OTUD7A: variants seen among roughly 807,000 people sequenced by gnomAD.
OTUD7A encodes OTU deubiquitinase 7A, also known as OTU domain-containing protein 7A.
Under a neutral mutation model 65.7 loss-of-function variants are expected in OTUD7A, and 12 were observed. The observed-to-expected ratio is 0.18, with a 90% CI of 0.12 to 0.30. The LOEUF is 0.30. Ranked by LOEUF, OTUD7A falls within the 10% of genes least tolerant of loss-of-function variation. The pLI is 1.00. For missense variants in OTUD7A, 1,148 were observed against 1,304.8 expected (o/e 0.88, Z 1.85); for synonymous variants, 641 against 586.3 (o/e 1.09, Z -1.35).
chr15:31,530,890 C>G, intron 5 of OTUD7A, 82 bp from the exon 6 acceptor site: 2 of 1,078,706 alleles, frequency 1.9e-6, no homozygotes, highest in South Asian at 3.1e-5. Context: ...GCATAAACAT[C>G]AGGGACAGAT....
At chr15:31,734,320 C>T (rs1351162868) in intron 1 of OTUD7A, among the ~76,000 whole-genome samples, 2 of 152,112 alleles carry the variant, frequency 1.3e-5, no homozygotes, top group Non-Finnish European at 2.9e-5. Flanking sequence ...ATTGAAGTGG[C>T]CATACTGCCC....
chr15:31,762,644 G>A (rs1442492537), intron 1 of OTUD7A, among the ~76,000 whole-genome samples: 1 of 152,228 alleles, frequency 6.6e-6, no homozygotes, highest in African/African-American at 2.4e-5. Flanking sequence ...GTAAGCTATA[G>A]AAGGATCCAA....
At chr15:31,768,095 T>G in intron 1 of OTUD7A, 1 of 1,597,872 alleles carries the variant, frequency 6.3e-7, no homozygotes, top group Non-Finnish European at 8.6e-7. Flanking sequence ...TTTTTTAAAG[T>G]GTTGTCTGTG....
Position 31,870,670 on chromosome 15 carries a change from T to A in OTUD7A, c.-263A>T, listed in dbSNP as rs1006548456. 4.1e-5 allele frequency: 6 copies of A among 147,352 alleles called. No homozygotes were observed. The highest frequency in any genetic ancestry group is 1.5e-4 in the African/African-American group (6 of 40,366). The allele number at this position is 147,352 out of a possible 1,614,324, so 9.1% of individuals were successfully genotyped here. ...TGCCGCTCGCGGTCCCGGTGGCCTC[T>A]CCTCCCCCGCCTCCTCCCGCGCTCC... is the stretch of plus-strand genomic sequence containing the variant. On this transcript the variant is annotated 5_prime_UTR_variant, in exon 1 of 13. Coordinates refer to ENST00000307050, the MANE Select transcript of OTUD7A (RefSeq NM_001382637.1).
chr15:31,826,007 C>A (rs995258035), intron 1 of OTUD7A, among the ~76,000 whole-genome samples: 16 of 152,338 alleles, frequency 1.1e-4, no homozygotes, highest in African/African-American at 3.6e-4. Context: ...GCCTCCCTCC[C>A]AGCTGCTTTT....
intron 3 of OTUD7A, among the ~76,000 whole-genome samples, chr15:31,628,711 C>T (rs1213664020): frequency 6.6e-6 from 1 of 152,200 alleles, no homozygotes; most frequent in East Asian, 1.9e-4. Context: ...GATATTGATT[C>T]TTCCTACCCA....
intron 1 of OTUD7A, among the ~76,000 whole-genome samples, chr15:31,765,085 C>A (rs1474878874): frequency 6.6e-6 from 1 of 152,130 alleles, no homozygotes; most frequent in African/African-American, 2.4e-5. Flanking sequence ...TTGCCTTATA[C>A]TTCTTTTACA....
intron 3 of OTUD7A, among the ~76,000 whole-genome samples, chr15:31,587,118 T>C (rs1467081900): frequency 6.6e-6 from 1 of 152,140 alleles, no homozygotes; most frequent in East Asian, 1.9e-4. Flanking sequence ...GCATCATGCT[T>C]GACTCTGTTC....
At chr15:31,811,997 T>G (rs529169063) in intron 1 of OTUD7A, among the ~76,000 whole-genome samples, 1 of 152,294 alleles carries the variant, frequency 6.6e-6, no homozygotes, top group African/African-American at 2.4e-5. Flanking sequence ...AGGATGCTGG[T>G]CACTGCTGCC....
chr15:31,786,634 C>A (rs1433175319), intron 1 of OTUD7A, among the ~76,000 whole-genome samples: 1 of 152,118 alleles, frequency 6.6e-6, no homozygotes, highest in Non-Finnish European at 1.5e-5. Flanking sequence ...CCTTTCACTT[C>A]ATTGTTACGT....
intron 1 of OTUD7A, among the ~76,000 whole-genome samples, chr15:31,860,678 T>C (rs112583517): frequency 0.069 from 464 of 6,762 alleles, 30 homozygotes; most frequent in South Asian, 0.51. Context: ...TGTATGTGTG[T>C]ATATATATAT....
At chr15:31,682,218 C>T (rs545644120) in intron 1 of OTUD7A, among the ~76,000 whole-genome samples, 1 of 152,268 alleles carries the variant, frequency 6.6e-6, no homozygotes, top group Admixed American at 6.5e-5. Flanking sequence ...AAGGAATTCA[C>T]AAAATTCAGA....
chr15:31,838,842 TA>T (rs1264366426), intron 1 of OTUD7A, among the ~76,000 whole-genome samples: 1 of 152,186 alleles, frequency 6.6e-6, no homozygotes, highest in African/African-American at 2.4e-5. Flanking sequence ...GGTCCTCCAC[TA>T]CTCCTAACTG....
At chr15:31,626,720 T>C (rs768440201) in intron 3 of OTUD7A, among the ~76,000 whole-genome samples, 13 of 152,008 alleles carry the variant, frequency 8.6e-5, no homozygotes, top group Admixed American at 8.5e-4. Flanking sequence ...GGACTACAGG[T>C]GTGTGCCACC....
chr15:31,509,115 A>G (rs2041633313), intron 8 of OTUD7A, among the ~76,000 whole-genome samples: 1 of 152,082 alleles, frequency 6.6e-6, no homozygotes, highest in Admixed American at 6.5e-5. Flanking sequence ...GTTTTTATAG[A>G]CTTTTTAAAA....
Position 31,565,656 on chromosome 15 carries a change from G to T in OTUD7A, c.331+4362C>A, listed in dbSNP as rs146268259. On this transcript the variant is annotated intron_variant, in intron 4 of 12. Transcript: ENST00000307050. ...CAATAGAAGGTGAGGGTGAGACCCT[G>T]TGAAACCACTGAGTCAAGTGTAACA... Among the ~76,000 whole-genome samples, 65 of 152,348 alleles carry T rather than the reference G, an allele frequency of 4.3e-4. No individual in the cohort carries two copies. The East Asian group carries it at 6.4e-3, about 15-fold the overall frequency.
intron 1 of OTUD7A, among the ~76,000 whole-genome samples, chr15:31,693,831 C>T (rs1208885006): frequency 2.0e-5 from 3 of 152,048 alleles, no homozygotes; most frequent in Non-Finnish European, 4.4e-5. Context: ...TAGTCATGTC[C>T]CCTACTTGCC....
intron 3 of OTUD7A, among the ~76,000 whole-genome samples, chr15:31,633,393 T>C (rs1891239481): frequency 6.6e-6 from 1 of 152,232 alleles, no homozygotes; most frequent in Non-Finnish European, 1.5e-5. Context: ...ACCTTAGACC[T>C]TTCAGATGAT....
chr15:31,786,378 C>T (rs1381810933), intron 1 of OTUD7A, among the ~76,000 whole-genome samples: 1 of 152,196 alleles, frequency 6.6e-6, no homozygotes, highest in Non-Finnish European at 1.5e-5. Context: ...GTCTTATTGC[C>T]AAATTTGCCT....
Sources: gnomAD v4.1 joint callset for allele counts (sites outside exome capture counted in the v4.1 genomes callset) on GRCh38, gnomAD v4.1.1 for gene constraint, MANE v1.5 for transcripts, NCBI Gene and HGNC (gene_info 2026-07-23, HGNC 2026-07-21) for gene names.